The following BCR variants were observed in gnomAD, a reference collection of about 807,000 sequenced individuals.
BCR encodes breakpoint cluster region protein.
A neutral mutation model predicts 138.6 loss-of-function variants in BCR; 58 were observed. That is an observed-to-expected ratio of 0.42 (90% CI 0.34 to 0.52). BCR has a LOEUF of 0.52. Ranked by LOEUF, BCR falls within the 20% of genes least tolerant of loss-of-function variation. The pLI is 0.06. For missense variants in BCR, 1,599 were observed against 1,727.2 expected, an observed-to-expected ratio of 0.93 and a Z score of 1.32; for synonymous variants, 786 against 730.1, an observed-to-expected ratio of 1.08 and a Z score of -1.23.
At chr22:23,189,721 C>T (rs541885864) in intron 1 of BCR, among the ~76,000 whole-genome samples, 1 of 152,076 alleles carries the variant, frequency 6.6e-6, no homozygotes, top group Admixed American at 6.5e-5. Context: ...AGGCTGGTCT[C>T]AATCGTTTGA....
intron 1 of BCR, among the ~76,000 whole-genome samples, chr22:23,183,554 C>T (rs1372112278): frequency 2.6e-5 from 4 of 152,074 alleles, no homozygotes; most frequent in African/African-American, 7.2e-5. Flanking sequence ...TATGTGGGGG[C>T]GGGGTGGAAG....
chr22:23,230,845 C>G (rs2072949588), intron 1 of BCR, among the ~76,000 whole-genome samples: 1 of 152,186 alleles, frequency 6.6e-6, no homozygotes, highest in Non-Finnish European at 1.5e-5. Context: ...GCCGCACATC[C>G]AGCTGTCATT....
chr22:23,230,468 G>A (rs771995097), intron 1 of BCR, among the ~76,000 whole-genome samples: 11 of 152,120 alleles, frequency 7.2e-5, no homozygotes, highest in South Asian at 2.1e-4. Flanking sequence ...CAAGACCCCC[G>A]CCCCAACAGG....
At chr22:23,270,736 C>T (rs924894101) in intron 5 of BCR, among the ~76,000 whole-genome samples, 3 of 152,216 alleles carry the variant, frequency 2.0e-5, no homozygotes, top group Admixed American at 6.5e-5. Context: ...TGTTCAGAAG[C>T]TTAGTACCAG....
chr22:23,263,987 C>G (rs745596563), intron 4 of BCR: 48 of 896,402 alleles, frequency 5.4e-5, no homozygotes, highest in Middle Eastern at 2.1e-4. Context: ...TGGACAGAGA[C>G]TTTCCCCCAA....
chr22:23,271,486 A>G (rs770865948), intron 5 of BCR, 46 bp from the exon 6 acceptor site: 1 of 1,596,848 alleles, frequency 6.3e-7, no homozygotes, highest in Non-Finnish European at 8.6e-7. Context: ...TGCATCATCA[A>G]AGCTGCTTCT....
At chr22:23,206,905 C>T (rs1042552155) in intron 1 of BCR, among the ~76,000 whole-genome samples, 1 of 151,924 alleles carries the variant, frequency 6.6e-6, no homozygotes, top group African/African-American at 2.4e-5. Context: ...ATCATCCATC[C>T]AACTAAATCT....
At position 23,254,062 on chromosome 22, in the gene BCR, A is replaced by G. The variant is rs915556853; in HGVS notation, c.1461+82A>G. 17 of 1,446,712 alleles carry G rather than the reference A, an allele frequency of 1.2e-5. No homozygotes were observed. In the East Asian group the frequency reaches 4.2e-4, roughly 36 times the overall value. The allele number at this position is 1,446,712 out of a possible 1,614,324, so 89.6% of individuals were successfully genotyped here. ...AGCCCCATGCTCAGGGGTATGTAGC[A>G]GGTAGGTGGTGGAGCAGCCAATGGT... On this transcript the variant is annotated intron_variant, in intron 2 of 22. Transcript: ENST00000305877.
At chr22:23,203,990 C>A (rs915389738) in intron 1 of BCR, among the ~76,000 whole-genome samples, 9 of 152,204 alleles carry the variant, frequency 5.9e-5, no homozygotes, top group African/African-American at 2.2e-4. Flanking sequence ...AAACACCTCC[C>A]TGTGCAGGCA....
At chr22:23,190,292 C>G (rs548079287) in intron 1 of BCR, among the ~76,000 whole-genome samples, 1 of 152,130 alleles carries the variant, frequency 6.6e-6, no homozygotes, top group Non-Finnish European at 1.5e-5. Flanking sequence ...CTCAGCCTTC[C>G]GAGTAGCTGG....
At chr22:23,190,359 G>C (rs1251786089) in intron 1 of BCR, among the ~76,000 whole-genome samples, 1 of 152,006 alleles carries the variant, frequency 6.6e-6, no homozygotes, top group African/African-American at 2.4e-5. Context: ...GTAGAGACGG[G>C]GTTTCACCAT....
At chr22:23,312,134 CAGT>C (rs940988893) in intron 19 of BCR, among the ~76,000 whole-genome samples, 5 of 152,210 alleles carry the variant, frequency 3.3e-5, no homozygotes, top group African/African-American at 1.2e-4. Context: ...GGACTCAGTG[CAGT>C]CTGTCCCCTG....
chr22:23,253,175 G>A lies in BCR; in HGVS notation c.1280-624G>A, dbSNP rs142392685. ...TGCACAGAGGAAGGTCTGTGGGAAG[G>A]GGTGCAGAGCTTCCATGCCCTCTCG... On this transcript the variant is annotated intron_variant, in intron 1 of 22. Coordinates refer to ENST00000305877, the MANE Select transcript of BCR (RefSeq NM_004327.4). 2.3e-3 allele frequency among the ~76,000 whole-genome samples: 348 copies of A among 152,314 alleles called. 3 individuals carry two copies. Among genetic ancestry groups the A allele is most frequent in the African/African-American group, 8.0e-3 (332 of 41,566 alleles).
At chr22:23,311,327 G>A (rs971793287) in intron 18 of BCR, among the ~76,000 whole-genome samples, 5 of 150,056 alleles carry the variant, frequency 3.3e-5, no homozygotes, top group African/African-American at 1.2e-4. Context: ...ACAGCACGTG[G>A]GTGGCAGGAC....
intron 9 of BCR, among the ~76,000 whole-genome samples, 199 bp downstream of exon 9, chr22:23,284,297 G>C (rs1602102998): frequency 6.6e-6 from 1 of 152,148 alleles, no homozygotes; most frequent in East Asian, 1.9e-4. Context: ...GACCAGCTTT[G>C]ACTCCTGTAG....
intron 4 of BCR, among the ~76,000 whole-genome samples, chr22:23,265,187 G>A (rs2073425097): frequency 6.6e-6 from 1 of 152,234 alleles, no homozygotes; most frequent in African/African-American, 2.4e-5. Context: ...TCCGCTGGCT[G>A]CCCTGGAGGC....
At chr22:23,286,061 T>A (rs1428336568) in intron 10 of BCR, among the ~76,000 whole-genome samples, 1 of 152,046 alleles carries the variant, frequency 6.6e-6, no homozygotes, top group Non-Finnish European at 1.5e-5. Flanking sequence ...AAGTACTGAG[T>A]CACCAGAGAG....
intron 1 of BCR, among the ~76,000 whole-genome samples, chr22:23,190,243 C>T (rs904857384): frequency 1.3e-5 from 2 of 152,198 alleles, no homozygotes; most frequent in East Asian, 1.9e-4. Flanking sequence ...TCTCAGCTCA[C>T]TGCAACCTCC....
intron 10 of BCR, among the ~76,000 whole-genome samples, chr22:23,285,569 T>C (rs769213763): frequency 5.3e-5 from 8 of 152,200 alleles, no homozygotes; most frequent in Non-Finnish European, 1.0e-4. Flanking sequence ...GAGAGAAACT[T>C]GTTTAAACTG....
Sources: gnomAD v4.1 joint callset for allele counts (sites outside exome capture counted in the v4.1 genomes callset) on GRCh38, gnomAD v4.1.1 for gene constraint, MANE v1.5 for transcripts, NCBI Gene and HGNC (gene_info 2026-07-23, HGNC 2026-07-21) for gene names.